Variants in ARSG observed in about 807,000 individuals in gnomAD.
ARSG encodes ASG.
A neutral mutation model predicts 50.5 loss-of-function variants in ARSG; 37 were observed. The ratio of observed to expected loss-of-function variants is 0.73; its 90% CI spans 0.56 to 0.96. The LOEUF (loss-of-function observed/expected upper bound fraction) is 0.96, where lower values mean the gene tolerates loss of function less well. ARSG is among the 50% of genes least tolerant of loss of function. The probability of loss-of-function intolerance (pLI) is 0.00; values close to 1 mark genes in which losing one functional copy is unlikely to be tolerated. For synonymous variants in ARSG, 225 were observed against 254.6 expected (o/e 0.88, Z 1.11); for missense variants, 629 against 675.3 (o/e 0.93, Z 0.76).
intron 6 of ARSG, among the ~76,000 whole-genome samples, chr17:68,358,507 G>A (rs368555101): frequency 4.0e-5 from 6 of 151,876 alleles, no homozygotes; most frequent in African/African-American, 9.7e-5. Flanking sequence ...TGACCAACAC[G>A]GTGAAACCCT....
At chr17:68,376,276 C>CGTTTTTTTTTT (rs149045241) in intron 8 of ARSG, among the ~76,000 whole-genome samples, 8 of 131,964 alleles carry the variant, frequency 6.1e-5, no homozygotes, top group Admixed American at 7.9e-5. Context: ...GCGCCCCCTG[C>CGTTTTTTTTTT]ATTTTTTTTT....
chr17:68,378,537 G>A lies in ARSG; in HGVS notation c.983-6527G>A, dbSNP rs1479480035. Among the ~76,000 whole-genome samples the A allele has an allele frequency of 1.3e-5, 2 of 151,944 alleles. No individual in the cohort carries two copies. Among genetic ancestry groups the A allele is most frequent in the Non-Finnish European group, 2.9e-5 (2 of 67,944 alleles). Reference sequence around the variant, plus strand: ...GAGAAACGGAACTGGGGCGGGGGCAGAGCAAAGCAGCCCTGCCTTCTCCCG... The same window carrying A: ...GAGAAACGGAACTGGGGCGGGGGCAAAGCAAAGCAGCCCTGCCTTCTCCCG... On this transcript the variant is annotated intron_variant, in intron 8 of 11. Coordinates refer to ENST00000621439, the MANE Select transcript of ARSG (RefSeq NM_001267727.2). This position sits in a 1 kb window ranked among gnomAD's most constrained non-coding sequence, Gnocchi z 4.4.
intron 2 of ARSG, among the ~76,000 whole-genome samples, chr17:68,315,744 T>G (rs1599687040): frequency 6.6e-6 from 1 of 152,178 alleles, no homozygotes; most frequent in Non-Finnish European, 1.5e-5. Context: ...GTGATTCTCC[T>G]GCCTTAACCT....
At chr17:68,431,674 G>T in the ARSG span, among the ~76,000 whole-genome samples, 2 of 14,656 alleles carry the variant, frequency 1.4e-4, no homozygotes, top group South Asian at 4.1e-3. Context: ...CCAGCACGAG[G>T]TGCTAAAGAC....
chr17:68,432,290 C>T, the ARSG span, among the ~76,000 whole-genome samples: 44,069 of 152,014 alleles, frequency 0.29, 6,750 homozygotes, highest in Middle Eastern at 0.36. Flanking sequence ...GCTCAGGTGA[C>T]CTCAGGCAGC....
chr17:68,291,441 A>G (rs1181892513), upstream of ARSG: 2 of 149,668 alleles, frequency 1.3e-5, no homozygotes, highest in Non-Finnish European at 3.0e-5. Context: ...GCCGCCGACC[A>G]TGTGCTGCGA....
rs569190275 is a variant in ARSG, at chr17:68,279,035, A to T, written c.-552+19609A>T. ...CATGGGGCCTCCCAAAAAGAAAGTT[A>T]AATGGGAAAAACAGACATGAAGAAC... On this transcript the variant is annotated intron_variant, in intron 1 of 11. Transcript: ENST00000448504. Among the ~76,000 whole-genome samples the T allele has an allele frequency of 7.9e-5, 12 of 152,308 alleles. No individual in the cohort carries two copies. In the South Asian group the frequency reaches 2.5e-3, roughly 32 times the overall value.
rs535994046 is a variant in ARSG, at chr17:68,333,631, A to AAT, written c.219-9972_219-9971insTA. On this transcript the variant is annotated intron_variant, in intron 2 of 11. Transcript: ENST00000621439. ...CAACAAGGGCAAAACTCTGTCTCAA[A>AAT]AATAATAATAATAATAATAATAATA... is the stretch of plus-strand genomic sequence containing the variant. Among the ~76,000 whole-genome samples, 829 of 142,722 alleles carry AAT rather than the reference A, an allele frequency of 5.8e-3. 7 individuals are homozygous for AAT. Among genetic ancestry groups the AAT allele is most frequent in the African/African-American group, 0.02 (775 of 38,886 alleles). 93.6% of individuals were successfully genotyped at this position (142,722 alleles called of 152,430 possible).
downstream of ARSG, chr17:68,422,063 T>TTATATG: frequency 3.7e-6 from 2 of 538,540 alleles, no homozygotes; most frequent in Non-Finnish European, 6.7e-6. Flanking sequence ...GTGTATGTAT[T>TTATATG]TATATGTATA....
chr17:68,365,945 AT>A (rs540812216), intron 6 of ARSG, among the ~76,000 whole-genome samples: 9 of 150,278 alleles, frequency 6.0e-5, no homozygotes, highest in Admixed American at 6.7e-5. Context: ...TATTTAATTT[AT>A]TTTTTTTTTG....
intron 10 of ARSG, among the ~76,000 whole-genome samples, chr17:68,398,148 T>C (rs1160291135): frequency 2.0e-5 from 3 of 152,350 alleles, no homozygotes; most frequent in East Asian, 1.9e-4. Context: ...TACATATGTA[T>C]GCATATGCAT....
chr17:68,323,004 T>C (rs1360367030), intron 2 of ARSG, among the ~76,000 whole-genome samples: 1 of 151,930 alleles, frequency 6.6e-6, no homozygotes, highest in Non-Finnish European at 1.5e-5. Flanking sequence ...CAAGACCCCA[T>C]CTCTACAATA....
At chr17:68,272,627 T>C in intron 1 of ARSG, 1 of 1,613,298 alleles carries the variant, frequency 6.2e-7, no homozygotes, top group Middle Eastern at 1.7e-4. Flanking sequence ...TAGGCTGTTG[T>C]AGTCCACCTA....
In ARSG at chr17:68,415,848, TG is replaced by T. The variant is rs1232526555; in HGVS notation, c.1304-4339del. On this transcript the variant is annotated intron_variant, in intron 11 of 11. Transcript: ENST00000621439. ...TAAGATAGCTACCCCTGCTTACTTT[TG>T]GTGTTCATTTGCATGAAATATCTTT... 2.6e-5 allele frequency among the ~76,000 whole-genome samples: 4 copies of T among 152,358 alleles called. No homozygotes were observed. In the East Asian group the frequency reaches 7.7e-4, roughly 29 times the overall value.
At chr17:68,262,628 G>A (rs2075091856) in intron 1 of ARSG, among the ~76,000 whole-genome samples, 2 of 152,304 alleles carry the variant, frequency 1.3e-5, no homozygotes, top group South Asian at 4.1e-4. Context: ...GGAAAATTAA[G>A]GTGGGGGTGG....
intron 6 of ARSG, among the ~76,000 whole-genome samples, chr17:68,358,621 G>A (rs1191734302): frequency 1.3e-5 from 2 of 151,596 alleles, no homozygotes; most frequent in African/African-American, 4.8e-5. Context: ...CCCGGGAGGT[G>A]GAGGTTGCAG....
chr17:68,263,449 A>G (rs1555745671), intron 1 of ARSG, among the ~76,000 whole-genome samples: 1 of 152,196 alleles, frequency 6.6e-6, no homozygotes, highest in Non-Finnish European at 1.5e-5. Context: ...TAAATAGGTC[A>G]TTTTAAGTAA....
rs2078991093 is a variant in ARSG at position 68,355,517 on chromosome 17, G to A, written c.567-1150G>A. ...GAGACTACAGGCGTGCAGCACCACGGCTAATTTTTGTATTTTTAGTAGAGA... is the reference window on the plus strand; with the variant it reads ...GAGACTACAGGCGTGCAGCACCACGACTAATTTTTGTATTTTTAGTAGAGA... On this transcript the variant is annotated intron_variant, in intron 5 of 11. Coordinates refer to ENST00000621439, the MANE Select transcript of ARSG (RefSeq NM_001267727.2). Among the ~76,000 whole-genome samples the A allele has an allele frequency of 2.0e-5, 3 of 151,844 alleles. No individual in the cohort carries two copies. In the South Asian group the frequency reaches 6.2e-4, roughly 32 times the overall value.
At chr17:68,351,160 C>A (rs143887354) in intron 4 of ARSG, among the ~76,000 whole-genome samples, 17 of 151,396 alleles carry the variant, frequency 1.1e-4, no homozygotes, top group African/African-American at 3.6e-4. Context: ...AGAATTTATT[C>A]TTTCTAAAAA....
Sources: allele counts gnomAD v4.1 joint callset (sites outside exome capture counted in the v4.1 genomes callset), GRCh38; gene constraint gnomAD v4.1.1; non-coding constraint Gnocchi (gnomAD v3.1); transcripts MANE v1.5; gene names NCBI Gene and HGNC (gene_info 2026-07-23, HGNC 2026-07-21).